ILDR2: variants seen among roughly 807,000 people sequenced by gnomAD.
ILDR2 encodes immunoglobulin-like domain-containing receptor 2.
ILDR2 carries 25 observed loss-of-function variants against 66.8 expected under a neutral mutation model. The ratio of observed to expected loss-of-function variants is 0.37; its 90% CI spans 0.27 to 0.52. ILDR2 has a LOEUF of 0.52. Ranked by LOEUF, ILDR2 falls within the 20% of genes least tolerant of loss-of-function variation. ILDR2 has a pLI of 0.88. For synonymous variants in ILDR2, 367 were observed against 357.2 expected (o/e 1.03, Z -0.31); for missense variants, 827 against 876.8 (o/e 0.94, Z 0.72).
intron 1 of ILDR2, among the ~76,000 whole-genome samples, chr1:166,971,176 A>G (rs1663270244): frequency 6.6e-6 from 1 of 152,240 alleles, no homozygotes; most frequent in East Asian, 1.9e-4. Context: ...ATGCTACTCC[A>G]TAACTGGTGT....
chr1:166,921,084 T>G lies in ILDR2; in HGVS notation c.1507A>C (p.Arg503=), dbSNP rs1452691174. The G allele has an allele frequency of 6.7e-7, 1 of 1,492,106 alleles. No individual in the cohort carries two copies. Among genetic ancestry groups the G allele is most frequent in the Non-Finnish European group, 8.8e-7 (1 of 1,130,270 alleles). The allele number at this position is 1,492,106 out of a possible 1,614,324, so 92.4% of individuals were successfully genotyped here. ...RGWAFSPARR[R]PAEDAHLPRL... is the part of the protein sequence containing the mutation. Reference sequence around the variant, plus strand: ...GGCAGGTGCGCGTCCTCGGCGGGTCTGCGGCGCGCGGGGCTGAAGGCCCAG... The same window carrying G: ...GGCAGGTGCGCGTCCTCGGCGGGTCGGCGGCGCGCGGGGCTGAAGGCCCAG... Residue 503 remains arginine (R), a synonymous_variant, in exon 9 of 10, where the codon AGA becomes CGA. Coordinates refer to ENST00000271417, the MANE Select transcript of ILDR2 (RefSeq NM_199351.3). The surrounding 1 kb of genome is among the most constrained non-coding windows in gnomAD (Gnocchi z 5.3).
At chr1:166,962,949 C>T (rs1662709269) in intron 1 of ILDR2, among the ~76,000 whole-genome samples, 1 of 152,210 alleles carries the variant, frequency 6.6e-6, no homozygotes, top group African/African-American at 2.4e-5. Flanking sequence ...CCCCAACTCC[C>T]TTAAGCCTCA....
chr1:166,952,210 C>T (rs1054919991), intron 3 of ILDR2, among the ~76,000 whole-genome samples: 13 of 152,140 alleles, frequency 8.5e-5, no homozygotes, highest in African/African-American at 2.4e-4. Flanking sequence ...CAAACAGTGG[C>T]GTGGTTCCAG....
In ILDR2 at chr1:166,969,643, C is replaced by A. The variant is rs148304096; in HGVS notation, c.46+5580G>T. Reference sequence around the variant, plus strand: ...GATTTCATTACGAAAAACTAACTGCCATTCTTTCTCACTTTTCTTGCACTA... The same window carrying A: ...GATTTCATTACGAAAAACTAACTGCAATTCTTTCTCACTTTTCTTGCACTA... On this transcript the variant is annotated intron_variant, in intron 1 of 9. Coordinates refer to ENST00000271417, the MANE Select transcript of ILDR2 (RefSeq NM_199351.3). Among the ~76,000 whole-genome samples the A allele has an allele frequency of 3.3e-3, 495 of 152,284 alleles. 3 individuals are homozygous for A. The highest frequency in any genetic ancestry group is 0.011 in the African/African-American group (471 of 41,560).
Position 166,936,793 on chromosome 1 carries a change from T to A in ILDR2, c.557-56A>T. On this transcript the variant is annotated intron_variant, in intron 4 of 9. Transcript: ENST00000271417. The surrounding 1 kb of genome is among the most constrained non-coding windows in gnomAD (Gnocchi z 5.0). ...GAGGCAGCCCACCTCCAGGGCAGGGTGCACTTTGATTGGCATCTCCCGGTG... is the reference window on the plus strand; with the variant it reads ...GAGGCAGCCCACCTCCAGGGCAGGGAGCACTTTGATTGGCATCTCCCGGTG... 2 of 1,576,984 alleles carry A rather than the reference T, an allele frequency of 1.3e-6. No individual in the cohort carries two copies. Among genetic ancestry groups the A allele is most frequent in the Non-Finnish European group, 1.7e-6 (2 of 1,150,378 alleles).
At chr1:166,954,411 T>G (rs1022018530) in intron 3 of ILDR2, among the ~76,000 whole-genome samples, 1 of 152,246 alleles carries the variant, frequency 6.6e-6, no homozygotes. Context: ...AATACAGTGC[T>G]TTATGGACTC....
Position 166,909,760 on chromosome 1 carries a change from A to AATATATATATAT in ILDR2, c.*9594_*9595insATATATATATAT, listed in dbSNP as rs1392240246. 11 of 62,734 alleles carry AATATATATATAT rather than the reference A, an allele frequency of 1.8e-4. No homozygotes were observed. Among genetic ancestry groups the AATATATATATAT allele is most frequent in the African/African-American group, 7.3e-4 (9 of 12,346 alleles). The allele number at this position is 62,734 out of a possible 1,614,324, so 3.9% of individuals were successfully genotyped here. On this transcript the variant is annotated 3_prime_UTR_variant, in exon 10 of 10. Transcript: ENST00000271417. Reference sequence around the variant, plus strand: ...ACATATATATATATATATATATATAAATATATATAAATATATATATTTATA... The same window carrying AATATATATATAT: ...ACATATATATATATATATATATATAAATATATATATATATATATATAAATATATATATTTATA...
intron 1 of ILDR2, among the ~76,000 whole-genome samples, chr1:166,968,538 C>G (rs1450393612): frequency 1.3e-5 from 2 of 152,096 alleles, no homozygotes; most frequent in Non-Finnish European, 1.5e-5. Context: ...TAATTTAACC[C>G]AGTTGACAGA....
chr1:166,928,207 A>G (rs1240053544), intron 6 of ILDR2, among the ~76,000 whole-genome samples: 1 of 152,228 alleles, frequency 6.6e-6, no homozygotes, highest in African/African-American at 2.4e-5. Flanking sequence ...GTTCCTCAGA[A>G]CCACCTAAAA....
In ILDR2 at chr1:166,936,982, A is replaced by G. The variant is rs1273770242; in HGVS notation, c.557-245T>C. The stretch of plus-strand genomic sequence containing the variant: ...CTATGTTACATTGGGTACATGTAAT[A>G]ATCGGCACAAAACAATGTGGGGATT... On this transcript the variant is annotated intron_variant, in intron 4 of 9. Coordinates refer to ENST00000271417, the MANE Select transcript of ILDR2 (RefSeq NM_199351.3). This position sits in a 1 kb window ranked among gnomAD's most constrained non-coding sequence, Gnocchi z 5.0. Among the ~76,000 whole-genome samples, 1 of 152,152 alleles carries G rather than the reference A, an allele frequency of 6.6e-6. No homozygotes were observed. Among genetic ancestry groups the G allele is most frequent in the Non-Finnish European group, 1.5e-5 (1 of 68,030 alleles).
intron 3 of ILDR2, among the ~76,000 whole-genome samples, chr1:166,953,621 C>T (rs1399895006): frequency 6.6e-6 from 1 of 152,170 alleles, no homozygotes; most frequent in Non-Finnish European, 1.5e-5. Context: ...CAAAAGACCA[C>T]AGTTTATTCT....
rs369814919 is a variant in ILDR2, at chr1:166,936,620, C to A, written c.674G>T (p.Cys225Phe). 3 of 1,613,948 alleles carry A rather than the reference C, an allele frequency of 1.9e-6. No homozygotes were observed. Among genetic ancestry groups the A allele is most frequent in the Non-Finnish European group, 2.5e-6 (3 of 1,179,982 alleles). The stretch of plus-strand genomic sequence containing the variant: ...TTGAGGGCAGCAGCAGGAATCTGGG[C>A]AGCATGGGCAGCGGACATAGCAGCA... ...SCCCYVRCPC[C>F]PDSCCCPQAL... The change falls in exon 5 of 10, where the codon TGC (cysteine) becomes TTC (phenylalanine). Residue 225 changes from cysteine (C) to phenylalanine (F), a missense_variant. Physicochemically the swap from Cys to Phe is radical, Grantham distance 205. Around this residue, in one of 2 missense-constraint regions of ILDR2, gnomAD observed 437 missense variants for 523.2 expected, o/e 0.84. Coordinates refer to ENST00000271417, the MANE Select transcript of ILDR2 (RefSeq NM_199351.3). This position sits in a 1 kb window ranked among gnomAD's most constrained non-coding sequence, Gnocchi z 5.0.
At chr1:166,966,537 G>A (rs78092168) in intron 1 of ILDR2, among the ~76,000 whole-genome samples, 6,760 of 152,202 alleles carry the variant, frequency 0.044, 530 homozygotes, top group African/African-American at 0.15. Context: ...AATAACTCTG[G>A]TGTTTGTTTA....
At position 166,921,048 on chromosome 1, in the gene ILDR2, T is replaced by A; in HGVS notation, c.1543A>T (p.Ser515Cys). Reference sequence around the variant, plus strand: ...TTGGGTGCGGTGCCTGGCGTGCGGCTCACCAGCCGCGGCAGGTGCGCGTCC... The same window carrying A: ...TTGGGTGCGGTGCCTGGCGTGCGGCACACCAGCCGCGGCAGGTGCGCGTCC... ...AEDAHLPRLV[S>C]RTPGTAPKYD... Residue 515 changes from serine (S) to cysteine (C), a missense_variant, in exon 9 of 10, where the codon AGC becomes TGC. This residue lies in a region of ILDR2 where 390 missense variants were observed against 353.6 expected (regional missense o/e 1.10). Transcript: ENST00000271417. This position sits in a 1 kb window ranked among gnomAD's most constrained non-coding sequence, Gnocchi z 5.3. 1 of 1,501,502 alleles carries A rather than the reference T, an allele frequency of 6.7e-7. No homozygotes were observed. Among genetic ancestry groups the A allele is most frequent in the East Asian group, 2.7e-5 (1 of 37,054 alleles). The allele number at this position is 1,501,502 out of a possible 1,614,324, so 93.0% of individuals were successfully genotyped here.
intron 7 of ILDR2, among the ~76,000 whole-genome samples, chr1:166,926,093 G>T (rs1660262972): frequency 6.6e-6 from 1 of 152,214 alleles, no homozygotes; most frequent in South Asian, 2.1e-4. Flanking sequence ...ATTTAGAATT[G>T]CAAACTGGGT....
rs201864196 is a variant in ILDR2, at chr1:166,922,647, C to T, written c.1157G>A (p.Arg386His). Residue 386 changes from arginine (R) to histidine (H), a missense_variant, in exon 8 of 10, where the codon CGC (arginine) becomes CAC (histidine). Physicochemically the swap from Arg to His is conservative, Grantham distance 29. Around this residue, in one of 2 missense-constraint regions of ILDR2, gnomAD observed 437 missense variants for 523.2 expected, o/e 0.84. Coordinates refer to ENST00000271417, the MANE Select transcript of ILDR2 (RefSeq NM_199351.3). The stretch of plus-strand genomic sequence containing the variant: ...GTTATACTCCATGGCTGAGGGCCCG[C>T]GGCTTGCCCCACTGCTGCCTCCCAT... ...GVMGGSSGAS[R>H]GPSAMEYNKE... 1.7e-4 allele frequency: 280 copies of T among 1,614,052 alleles called. No individual in the cohort carries two copies. The highest frequency in any genetic ancestry group is 4.9e-4 in the Middle Eastern group (3 of 6,080).
chr1:166,900,822 T>C (rs1014793972), intron 2 of ILDR2, among the ~76,000 whole-genome samples: 108 of 152,138 alleles, frequency 7.1e-4, no homozygotes, highest in African/African-American at 2.4e-3. Context: ...AGCTTTTGTT[T>C]TGTGGGGTGG....
chr1:166,904,441 C>A (rs1292381670), downstream of ILDR2, among the ~76,000 whole-genome samples: 1 of 152,210 alleles, frequency 6.6e-6, no homozygotes, highest in Non-Finnish European at 1.5e-5. Context: ...CTTCTTTAAT[C>A]TACACTTCTT....
chr1:166,920,799 C>T lies in ILDR2; in HGVS notation c.1792G>A (p.Glu598Lys), dbSNP rs527704242. The T allele has an allele frequency of 1.4e-5, 21 of 1,534,460 alleles. No homozygotes were observed. In the East Asian group the frequency reaches 2.6e-4, roughly 19 times the overall value. ...CGGTAGGACGGGCCGCGGGTCAGCT[C>T]CAGCTCGCTGTAGGGCGGCAGCGCG... ...DDALPPYSEL[E>K]LTRGPSYRGR... Residue 598 changes from glutamate (E) to lysine (K), a missense_variant, in exon 9 of 10, where the codon GAG becomes AAG. Physicochemically the swap from Glu to Lys is moderately conservative, Grantham distance 56 (BLOSUM62 1). Coordinates refer to ENST00000271417, the MANE Select transcript of ILDR2 (RefSeq NM_199351.3).
Sources: gnomAD v4.1 joint callset for allele counts (sites outside exome capture counted in the v4.1 genomes callset) on GRCh38, gnomAD v4.1.1 for gene constraint, gnomAD v4.1.1 regional missense constraint, Gnocchi (gnomAD v3.1) non-coding constraint, MANE v1.5 for transcripts, NCBI Gene and HGNC (gene_info 2026-07-23, HGNC 2026-07-21) for gene names.